The following ADK variants were observed in gnomAD, a reference collection of about 807,000 sequenced individuals.
ADK encodes the protein adenosine kinase.
ADK carries 24 observed loss-of-function variants against 44.7 expected under a neutral mutation model. The ratio of observed to expected loss-of-function variants is 0.54; its 90% CI spans 0.39 to 0.76. The LOEUF (loss-of-function observed/expected upper bound fraction) is 0.76, where lower values mean the gene tolerates loss of function less well. ADK is among the 30% of genes least tolerant of loss of function. ADK has a pLI of 0.00. For synonymous variants in ADK, 128 were observed against 142.6 expected (o/e 0.90, Z 0.73); for missense variants, 321 against 425.1 (o/e 0.76, Z 2.15).
chr10:74,327,194 G>T (rs1592051904), intron 4 of ADK, among the ~76,000 whole-genome samples: 2 of 152,052 alleles, frequency 1.3e-5, no homozygotes, highest in Non-Finnish European at 2.9e-5. Flanking sequence ...TGCTTTTGCT[G>T]TATCTGATAG....
chr10:74,647,701 A>G (rs972481877), intron 9 of ADK, among the ~76,000 whole-genome samples: 1 of 152,192 alleles, frequency 6.6e-6, no homozygotes, highest in African/African-American at 2.4e-5. Context: ...CAAAACTGCT[A>G]TAATAATAAC....
intron 6 of ADK, among the ~76,000 whole-genome samples, chr10:74,461,515 G>A (rs537036258): frequency 6.6e-6 from 1 of 151,970 alleles, no homozygotes; most frequent in Non-Finnish European, 1.5e-5. Context: ...CTAATATGTT[G>A]TATTTCCACT....
intron 1 of ADK, chr10:74,176,394 C>T: frequency 2.1e-6 from 2 of 954,318 alleles, no homozygotes; most frequent in Non-Finnish European, 2.5e-6. Context: ...GAAGACCTGC[C>T]CTGACAGCGC....
intron 7 of ADK, among the ~76,000 whole-genome samples, chr10:74,567,701 T>G (rs1379871998): frequency 1.1e-3 from 82 of 75,352 alleles, no homozygotes; most frequent in East Asian, 6.2e-3. Context: ...TTTTTTTTGT[T>G]TTTTTTTTTT....
At chr10:74,439,096 G>GA (rs1279710949) in intron 6 of ADK, among the ~76,000 whole-genome samples, 7 of 152,166 alleles carry the variant, frequency 4.6e-5, no homozygotes, top group African/African-American at 1.7e-4. Flanking sequence ...ACTAAAAGGT[G>GA]AGAAAGTTAT....
rs931696908 is a variant in ADK at position 74,410,815 on chromosome 10, A to AT, written c.555+12245dup. On this transcript the variant is annotated intron_variant, in intron 6 of 10. Coordinates refer to ENST00000539909, the MANE Select transcript of ADK (RefSeq NM_006721.4). ...CTTTGGCAGAGTAAGTGAACTAATG[A>AT]TTTTTTTTTATAATTTAAGCTAGTC... 1.6e-4 allele frequency among the ~76,000 whole-genome samples: 25 copies of AT among 151,900 alleles called. No individual in the cohort carries two copies. In the Middle Eastern group the frequency reaches 0.01, roughly 62 times the overall value.
chr10:74,333,844 A>G (rs1232441132), intron 4 of ADK, among the ~76,000 whole-genome samples: 1 of 152,218 alleles, frequency 6.6e-6, no homozygotes, highest in Non-Finnish European at 1.5e-5. Context: ...GGCAACTGAA[A>G]GTAGACGTAT....
intron 4 of ADK, among the ~76,000 whole-genome samples, chr10:74,345,238 AT>A (rs1314738598): frequency 1.3e-5 from 2 of 151,904 alleles, no homozygotes; most frequent in African/African-American, 4.8e-5. Context: ...AATTTGTTTA[AT>A]GGCTATTCTT....
intron 2 of ADK, among the ~76,000 whole-genome samples, chr10:74,215,793 G>A (rs1304021664): frequency 1.3e-5 from 2 of 149,736 alleles, no homozygotes; most frequent in African/African-American, 5.0e-5. Context: ...AGCCTCCCAA[G>A]CAGCTGGGAC....
intron 6 of ADK, among the ~76,000 whole-genome samples, chr10:74,417,929 T>C (rs1049196776): frequency 1.3e-5 from 2 of 152,194 alleles, no homozygotes; most frequent in African/African-American, 4.8e-5. Flanking sequence ...TTCTATATTC[T>C]TAGTGTTGGG....
intron 9 of ADK, among the ~76,000 whole-genome samples, chr10:74,626,362 C>T (rs1381450025): frequency 1.3e-5 from 2 of 150,250 alleles, no homozygotes; most frequent in Admixed American, 6.7e-5. Flanking sequence ...TGCAATGGCA[C>T]GATCTCAGCC....
chr10:74,360,790 AT>A (rs1293730318), intron 4 of ADK, among the ~76,000 whole-genome samples: 1 of 152,154 alleles, frequency 6.6e-6, no homozygotes, highest in Non-Finnish European at 1.5e-5. Flanking sequence ...TTTGAATAGA[AT>A]ATCTTTCTGC....
intron 1 of ADK, among the ~76,000 whole-genome samples, chr10:74,188,948 T>G (rs905570248): frequency 6.6e-6 from 1 of 151,982 alleles, no homozygotes; most frequent in African/African-American, 2.4e-5. Flanking sequence ...GATTTTTGTA[T>G]TTTTAGTAGA....
At chr10:74,274,391 G>A (rs1846573729) in intron 3 of ADK, among the ~76,000 whole-genome samples, 2 of 151,938 alleles carry the variant, frequency 1.3e-5, no homozygotes, top group African/African-American at 4.8e-5. Flanking sequence ...GTAAAACCCT[G>A]TCTCTACTAA....
chr10:74,336,202 AAC>A (rs138802298), intron 4 of ADK, among the ~76,000 whole-genome samples: 19,389 of 152,102 alleles, frequency 0.13, 1,274 homozygotes, highest in Middle Eastern at 0.17. Flanking sequence ...TGAGGTCTGT[AAC>A]AGAGTTTTTG....
intron 7 of ADK, among the ~76,000 whole-genome samples, chr10:74,579,119 A>T (rs1408776895): frequency 6.6e-6 from 1 of 152,038 alleles, no homozygotes; most frequent in Non-Finnish European, 1.5e-5. Flanking sequence ...CTGTAGTCCC[A>T]GCTTCTAGGG....
At chr10:74,421,192 A>G (rs1405070063) in intron 6 of ADK, among the ~76,000 whole-genome samples, 2 of 152,178 alleles carry the variant, frequency 1.3e-5, no homozygotes, top group African/African-American at 4.8e-5. Context: ...TTGATTGGAC[A>G]ATGTAAAGCT....
chr10:74,512,921 G>GT (rs1181851251), intron 6 of ADK, among the ~76,000 whole-genome samples: 2 of 151,716 alleles, frequency 1.3e-5, no homozygotes, highest in Admixed American at 1.3e-4. Flanking sequence ...TCTGAATACT[G>GT]TTTTTGCTGT....
chr10:74,195,707 CTTTT>C lies in ADK; in HGVS notation c.66-5040_66-5037del, dbSNP rs71475265. On this transcript the variant is annotated intron_variant, in intron 1 of 10. Transcript: ENST00000539909. ...TTCTTTCTTTCTTTTTCTTTTCTTT[CTTTT>C]TTTTTTTTTTTTTTTTGAGGTAGTA... 7.8e-3 allele frequency among the ~76,000 whole-genome samples: 762 copies of C among 97,530 alleles called. 5 individuals carry two copies. The highest frequency in any genetic ancestry group is 0.029 in the African/African-American group (697 of 23,826). The allele number at this position is 97,530 out of a possible 152,430, so 64.0% of individuals were successfully genotyped here. A position where few individuals can be genotyped will look rare whatever the true frequency, so the allele number is the denominator to read the frequency against.
Sources: gnomAD v4.1 joint callset for allele counts (sites outside exome capture counted in the v4.1 genomes callset) on GRCh38, gnomAD v4.1.1 for gene constraint, MANE v1.5 for transcripts, NCBI Gene and HGNC (gene_info 2026-07-23, HGNC 2026-07-21) for gene names.